Variants in TOX observed in about 807,000 individuals in gnomAD.
The protein encoded by TOX is thymocyte selection-associated high mobility group box protein TOX.
TOX carries 11 observed loss-of-function variants against 53.7 expected under a neutral mutation model. The ratio of observed to expected loss-of-function variants is 0.20; its 90% CI spans 0.13 to 0.34. TOX has a LOEUF of 0.34. Ranked by LOEUF, TOX falls within the 10% of genes least tolerant of loss-of-function variation. The pLI is 1.00. For synonymous variants in TOX, 225 were observed against 245.3 expected (o/e 0.92, Z 0.77); for missense variants, 570 against 664.6 (o/e 0.86, Z 1.56).
chr8:58,949,468 G>A (rs1812581247), intron 2 of TOX, among the ~76,000 whole-genome samples: 1 of 152,066 alleles, frequency 6.6e-6, no homozygotes, highest in Non-Finnish European at 1.5e-5. Flanking sequence ...TGCTCAAATG[G>A]AATCATAGAA....
chr8:58,942,201 CA>C (rs1444099522), intron 2 of TOX, among the ~76,000 whole-genome samples: 1 of 151,958 alleles, frequency 6.6e-6, no homozygotes, highest in African/African-American at 2.4e-5. Context: ...TATAGTAGAC[CA>C]CCACTTTACA....
At chr8:58,840,028 A>G (rs1477168894) in intron 4 of TOX, among the ~76,000 whole-genome samples, 1 of 152,230 alleles carries the variant, frequency 6.6e-6, no homozygotes, top group Non-Finnish European at 1.5e-5. Flanking sequence ...GAAGTTTAAA[A>G]GCGTATTCAA....
At position 58,812,853 on chromosome 8, in the gene TOX, T is replaced by C. The variant is rs1810106010; in HGVS notation, c.1392+2485A>G. ...CAAGGAATTGAAATTGAAATTCTAC[T>C]ACCTGATCTTTAAATCCTTCTAACA... On this transcript the variant is annotated intron_variant, in intron 7 of 8. Coordinates refer to ENST00000361421, the MANE Select transcript of TOX (RefSeq NM_014729.3). 3.9e-5 allele frequency among the ~76,000 whole-genome samples: 6 copies of C among 152,272 alleles called. No homozygotes were observed. The South Asian group carries it at 1.2e-3, about 31-fold the overall frequency.
intron 1 of TOX, among the ~76,000 whole-genome samples, chr8:59,072,887 T>C (rs1804222922): frequency 6.6e-6 from 1 of 152,240 alleles, no homozygotes; most frequent in African/African-American, 2.4e-5. Flanking sequence ...TCTTATACTT[T>C]GCTTGGTATT....
chr8:59,110,413 T>G, intron 1 of TOX, among the ~76,000 whole-genome samples: 1 of 152,260 alleles, frequency 6.6e-6, no homozygotes, highest in East Asian at 1.9e-4. Context: ...CACTAATGCG[T>G]ATAACACTTT....
At chr8:58,914,444 A>T (rs1299307645) in intron 3 of TOX, among the ~76,000 whole-genome samples, 1 of 152,072 alleles carries the variant, frequency 6.6e-6, no homozygotes, top group Non-Finnish European at 1.5e-5. Flanking sequence ...TTCCACATTG[A>T]CCAAAATTGT....
chr8:59,013,060 A>G (rs1447939465), intron 1 of TOX, among the ~76,000 whole-genome samples: 1 of 152,190 alleles, frequency 6.6e-6, no homozygotes, highest in African/African-American at 2.4e-5. Flanking sequence ...TTGTGTTCAC[A>G]ACTATTCACT....
intron 3 of TOX, among the ~76,000 whole-genome samples, chr8:58,933,152 T>G (rs777635482): frequency 3.9e-5 from 6 of 152,166 alleles, no homozygotes; most frequent in Non-Finnish European, 7.4e-5. Context: ...TCTAAAACTT[T>G]GCACGGTTTT....
chr8:58,889,519 C>A (rs1392242182), intron 3 of TOX, among the ~76,000 whole-genome samples: 1 of 151,912 alleles, frequency 6.6e-6, no homozygotes, highest in Non-Finnish European at 1.5e-5. Context: ...AAATGGGAAG[C>A]TGGAAGGTAA....
At chr8:59,107,036 A>G in intron 1 of TOX, among the ~76,000 whole-genome samples, 1 of 94,028 alleles carries the variant, frequency 1.1e-5, no homozygotes, top group Non-Finnish European at 2.0e-5. Flanking sequence ...GATCTTATAA[A>G]GCAGTTTGCT....
intron 1 of TOX, among the ~76,000 whole-genome samples, chr8:59,070,014 A>C (rs1804165773): frequency 6.6e-6 from 1 of 152,240 alleles, no homozygotes; most frequent in Non-Finnish European, 1.5e-5. Context: ...CCTCAAGGGC[A>C]ACATGGTTTT....
intron 3 of TOX, among the ~76,000 whole-genome samples, chr8:58,930,108 T>C (rs1812234876): frequency 6.6e-6 from 1 of 152,196 alleles, no homozygotes; most frequent in African/African-American, 2.4e-5. Flanking sequence ...GAAAGCATTA[T>C]AGAATTTTAG....
intron 3 of TOX, among the ~76,000 whole-genome samples, chr8:58,866,382 G>A (rs1411820924): frequency 2.0e-5 from 3 of 152,174 alleles, no homozygotes; most frequent in Non-Finnish European, 4.4e-5. Context: ...ATAATTACCA[G>A]ACTGATAAGC....
At chr8:59,053,916 T>G (rs1803839064) in intron 1 of TOX, among the ~76,000 whole-genome samples, 1 of 152,238 alleles carries the variant, frequency 6.6e-6, no homozygotes, top group Non-Finnish European at 1.5e-5. Context: ...ATATATATCA[T>G]ACATTTTCAA....
At chr8:58,881,715 T>G (rs1299024301) in intron 3 of TOX, among the ~76,000 whole-genome samples, 3 of 108,558 alleles carry the variant, frequency 2.8e-5, no homozygotes, top group East Asian at 5.5e-4. Flanking sequence ...CAGAGTGAGA[T>G]TCCATCTCAA....
chr8:59,099,696 T>A (rs1218447295), intron 1 of TOX, among the ~76,000 whole-genome samples: 1 of 152,242 alleles, frequency 6.6e-6, no homozygotes, highest in African/African-American at 2.4e-5. Flanking sequence ...GATTATATTT[T>A]AACTATGTCC....
intron 3 of TOX, among the ~76,000 whole-genome samples, chr8:58,863,898 T>C (rs772008359): frequency 1.3e-5 from 2 of 152,142 alleles, no homozygotes; most frequent in Admixed American, 6.6e-5. Context: ...TGCACTGCTA[T>C]AGAATTGCAG....
chr8:59,049,952 T>A (rs1803759112), intron 1 of TOX, among the ~76,000 whole-genome samples: 1 of 152,152 alleles, frequency 6.6e-6, no homozygotes, highest in South Asian at 2.1e-4. Context: ...CACAGAAGTA[T>A]ATGTTCTTGT....
intron 1 of TOX, among the ~76,000 whole-genome samples, chr8:59,003,345 A>G (rs1585956974): frequency 6.6e-6 from 1 of 152,314 alleles, no homozygotes; most frequent in African/African-American, 2.4e-5. Context: ...ATATTGTGTT[A>G]CTATGACTTG....
Sources: allele counts gnomAD v4.1 joint callset (sites outside exome capture counted in the v4.1 genomes callset), GRCh38; gene constraint gnomAD v4.1.1; transcripts MANE v1.5; gene names NCBI Gene and HGNC (gene_info 2026-07-23, HGNC 2026-07-21).